The following ADAM18 variants were observed in gnomAD, a reference collection of about 807,000 sequenced individuals.
ADAM18 encodes ADAM metallopeptidase domain 18, also known as disintegrin and metalloproteinase domain-containing protein 18.
A neutral mutation model predicts 94.4 loss-of-function variants in ADAM18; 117 were observed. That is an observed-to-expected ratio of 1.24 (90% CI 1.07 to 1.45). The LOEUF is 1.45. Ranked by LOEUF, ADAM18 falls within the 40% of genes most tolerant of loss-of-function variation. The pLI is 0.00. For synonymous variants in ADAM18, 327 were observed against 291.6 expected, an observed-to-expected ratio of 1.12 and a Z score of -1.24; for missense variants, 936 against 880.0, an observed-to-expected ratio of 1.06 and a Z score of -0.81.
chr8:39,671,766 C>A (rs1296219849), intron 14 of ADAM18, among the ~76,000 whole-genome samples: 2 of 152,084 alleles, frequency 1.3e-5, no homozygotes, highest in African/African-American at 4.8e-5. Flanking sequence ...TGGCCACTAG[C>A]TGAAAATAGA....
At chr8:39,635,700 G>A (rs1046254871) in intron 7 of ADAM18, among the ~76,000 whole-genome samples, 3 of 151,980 alleles carry the variant, frequency 2.0e-5, no homozygotes, top group Admixed American at 1.3e-4. Context: ...CCAATCTGTG[G>A]CATTACTATG....
chr8:39,617,451 T>C (rs1819475680), intron 6 of ADAM18, among the ~76,000 whole-genome samples: 1 of 152,060 alleles, frequency 6.6e-6, no homozygotes, highest in South Asian at 2.1e-4. Context: ...TCAGAGAACA[T>C]GGAACTATCA....
intron 2 of ADAM18, among the ~76,000 whole-genome samples, chr8:39,599,434 A>G (rs1037007556): frequency 2.0e-5 from 3 of 152,174 alleles, no homozygotes; most frequent in Non-Finnish European, 4.4e-5. Flanking sequence ...AAATTAGTAT[A>G]CATTATTTCT....
intron 19 of ADAM18, among the ~76,000 whole-genome samples, chr8:39,724,252 G>A (rs2129581892): frequency 6.6e-6 from 1 of 151,706 alleles, no homozygotes; most frequent in Admixed American, 6.6e-5. Context: ...CTTTGTTCTT[G>A]TAATCCGTTC....
intron 18 of ADAM18, among the ~76,000 whole-genome samples, chr8:39,710,301 G>T (rs1822359971): frequency 6.6e-6 from 1 of 152,066 alleles, no homozygotes; most frequent in Non-Finnish European, 1.5e-5. Flanking sequence ...ATTTGAGAAA[G>T]GAAAAATAGA....
intron 12 of ADAM18, among the ~76,000 whole-genome samples, chr8:39,656,133 A>G (rs1321872255): frequency 9.2e-5 from 14 of 152,182 alleles, no homozygotes; most frequent in Non-Finnish European, 1.5e-4. Context: ...ATGTAAATAG[A>G]CAAGCTGATT....
At chr8:39,710,123 CTG>C (rs955392709) in intron 18 of ADAM18, among the ~76,000 whole-genome samples, 1 of 151,964 alleles carries the variant, frequency 6.6e-6, no homozygotes, top group Non-Finnish European at 1.5e-5. Context: ...GATAAAAACA[CTG>C]GAGATAACTT....
At chr8:39,610,447 T>G in intron 5 of ADAM18, 82 bp from the exon 6 acceptor site, 1 of 1,418,944 alleles carries the variant, frequency 7.0e-7, no homozygotes, top group South Asian at 1.6e-5. Flanking sequence ...TTTTAATTTC[T>G]TATGCCATTT....
chr8:39,682,895 A>G (rs1821507777), intron 16 of ADAM18, among the ~76,000 whole-genome samples: 1 of 152,196 alleles, frequency 6.6e-6, no homozygotes, highest in Non-Finnish European at 1.5e-5. Flanking sequence ...TTTTATGTGT[A>G]AAAGATATGT....
chr8:39,655,318 C>T (rs186277980), intron 12 of ADAM18, among the ~76,000 whole-genome samples: 1 of 152,074 alleles, frequency 6.6e-6, no homozygotes, highest in Admixed American at 6.5e-5. Flanking sequence ...TGGATATATC[C>T]ATATTTCTCA....
chr8:39,724,522 T>C (rs1411206025), intron 19 of ADAM18, among the ~76,000 whole-genome samples: 4 of 151,898 alleles, frequency 2.6e-5, no homozygotes, highest in Non-Finnish European at 5.9e-5. Context: ...CTTTTTGTTA[T>C]AATTATTTTT....
chr8:39,663,201 A>C (rs891607623), intron 12 of ADAM18, among the ~76,000 whole-genome samples: 2 of 152,170 alleles, frequency 1.3e-5, no homozygotes, highest in Middle Eastern at 3.4e-3. Flanking sequence ...TTAATTATGA[A>C]ATATTTTAGC....
At chr8:39,674,649 A>G (rs531094487) in intron 14 of ADAM18, among the ~76,000 whole-genome samples, 2 of 152,260 alleles carry the variant, frequency 1.3e-5, no homozygotes, top group South Asian at 4.1e-4. Context: ...TTATGTGTGA[A>G]TTTGATCCTT....
intron 17 of ADAM18, among the ~76,000 whole-genome samples, chr8:39,694,866 T>C (rs1485043808): frequency 6.6e-6 from 1 of 151,540 alleles, no homozygotes; most frequent in Non-Finnish European, 1.5e-5. Context: ...TCTTAAAAAA[T>C]ATATGTGTCT....
chr8:39,651,469 G>A (rs944074433), intron 12 of ADAM18, among the ~76,000 whole-genome samples: 5 of 152,188 alleles, frequency 3.3e-5, no homozygotes, highest in Admixed American at 1.3e-4. Flanking sequence ...GCGGCCTTCC[G>A]CAGTGTATTG....
At chr8:39,592,721 G>A (rs978571929) in intron 2 of ADAM18, among the ~76,000 whole-genome samples, 1 of 152,124 alleles carries the variant, frequency 6.6e-6, no homozygotes, top group Non-Finnish European at 1.5e-5. Context: ...TACCTACTGG[G>A]AACAATGTCC....
chr8:39,694,548 A>T (rs889894446), intron 17 of ADAM18, among the ~76,000 whole-genome samples: 5 of 151,426 alleles, frequency 3.3e-5, no homozygotes, highest in African/African-American at 7.3e-5. Context: ...TATCAAGGTT[A>T]TGCTATTTTG....
intron 16 of ADAM18, among the ~76,000 whole-genome samples, chr8:39,683,763 T>C (rs1263795510): frequency 6.6e-6 from 1 of 152,240 alleles, no homozygotes; most frequent in Non-Finnish European, 1.5e-5. Flanking sequence ...TTTTTAAAAG[T>C]TCAATTTAAT....
At chr8:39,718,290 C>T (rs1822637142) in intron 18 of ADAM18, among the ~76,000 whole-genome samples, 1 of 151,476 alleles carries the variant, frequency 6.6e-6, no homozygotes, top group African/African-American at 2.4e-5. Context: ...ATTCACAATA[C>T]TCAAGATGTG....
Sources: gnomAD v4.1 joint callset for allele counts (sites outside exome capture counted in the v4.1 genomes callset) on GRCh38, gnomAD v4.1.1 for gene constraint, MANE v1.5 for transcripts, NCBI Gene and HGNC (gene_info 2026-07-23, HGNC 2026-07-21) for gene names.